The following NLRC5 variants were observed in gnomAD, a reference collection of about 807,000 sequenced individuals.
The protein encoded by NLRC5 is NLR family CARD domain containing 5.
A neutral mutation model predicts 206.9 loss-of-function variants in NLRC5; 114 were observed. The observed-to-expected ratio is 0.55, with a 90% CI of 0.47 to 0.64. The LOEUF (loss-of-function observed/expected upper bound fraction) is 0.64. Among genes scored for constraint, NLRC5 ranks in the 30% least tolerant of loss-of-function variants. The probability of loss-of-function intolerance (pLI) is 0.00; values close to 1 mark genes in which losing one functional copy is unlikely to be tolerated. For synonymous variants in NLRC5, 952 were observed against 962.8 expected (o/e 0.99, Z 0.21); for missense variants, 2,008 against 2,305.5 (o/e 0.87, Z 2.64).
intron 25 of NLRC5, 79 bp from the exon 26 acceptor site, chr16:57,054,953 C>T (rs45544836): frequency 0.015 from 23,563 of 1,594,696 alleles, 208 homozygotes; most frequent in Non-Finnish European, 0.018. Flanking sequence ...GCTGGGCTTC[C>T]GGAGGAGGGG....
chr16:57,043,625 C>T (rs1237067077), intron 20 of NLRC5, 21 bp downstream of exon 20: 3 of 1,591,612 alleles, frequency 1.9e-6, no homozygotes, highest in African/African-American at 2.7e-5. Flanking sequence ...CTCTCCGCCC[C>T]CAGCCCTGCC....
Position 57,061,704 on chromosome 16 carries a change from A to G in NLRC5, c.4154+3A>G. On this transcript the variant is annotated splice_donor_region_variant and intron_variant, in intron 32 of 48. Transcript: ENST00000688547. The stretch of plus-strand genomic sequence containing the variant: ...CCCGCAGGGCTGTTCAGCCTCAGGT[A>G]CCTCCTCCCCCGCTGCCTCCGGGAG... 1.2e-6 allele frequency: 2 copies of G among 1,601,114 alleles called. No individual in the cohort carries two copies. Among genetic ancestry groups the G allele is most frequent in the Non-Finnish European group, 1.7e-6 (2 of 1,176,006 alleles).
intron 23 of NLRC5, 123 bp from the exon 24 acceptor site, chr16:57,051,415 T>G: frequency 1.4e-6 from 1 of 732,848 alleles, no homozygotes. Flanking sequence ...GACCCAGTGC[T>G]GGGAGGGAAT....
intron 46 of NLRC5, among the ~76,000 whole-genome samples, chr16:57,080,256 C>G (rs2145150391): frequency 6.6e-6 from 1 of 152,212 alleles, no homozygotes; most frequent in Non-Finnish European, 1.5e-5. Context: ...CTCATTACAC[C>G]AAAGCGAAAG....
chr16:57,017,365 A>G (rs2060201356), intron 2 of NLRC5, among the ~76,000 whole-genome samples, 177 bp downstream of exon 2: 1 of 152,224 alleles, frequency 6.6e-6, no homozygotes, highest in South Asian at 2.1e-4. Context: ...AGACACAGAA[A>G]ATCAGGAAGA....
chr16:57,020,042 T>C (rs864749), intron 2 of NLRC5, among the ~76,000 whole-genome samples: 150,584 of 152,146 alleles, frequency 0.99, 74,536 homozygotes, highest in Middle Eastern at 1. Flanking sequence ...TCTCTGGAGC[T>C]GATCCCTGGG....
Position 57,041,516 on chromosome 16 carries a change from C to G in NLRC5, c.2971C>G (p.Leu991Val), listed in dbSNP as rs1597317690. 1 of 1,614,140 alleles carries G rather than the reference C, an allele frequency of 6.2e-7. No homozygotes were observed. The highest frequency in any genetic ancestry group is 8.5e-7 in the Non-Finnish European group (1 of 1,180,006). Residue 991 changes from leucine (L) to valine (V), a missense_variant, in exon 18 of 49, where the codon CTA becomes GTA. Coordinates refer to ENST00000688547, the MANE Select transcript of NLRC5 (RefSeq NM_001384950.1). ...LTHCGLQEKH[L>V]EQLCKALGGS... The stretch of plus-strand genomic sequence containing the variant: ...ACATTGTGGCCTCCAAGAAAAGCAC[C>G]TAGAGCAGCTCTGCAAGGCTCTGGG...
intron 1 of NLRC5, among the ~76,000 whole-genome samples, chr16:56,991,383 T>C (rs2056825834): frequency 4.5e-5 from 2 of 44,368 alleles, no homozygotes; most frequent in East Asian, 8.5e-4. Context: ...TTATTCCTTT[T>C]TTTTTTTTTT....
Position 57,022,320 on chromosome 16 carries a change from G to A in NLRC5, c.355+5G>A, listed in dbSNP as rs1480626578. On this transcript the variant is annotated splice_donor_5th_base_variant and intron_variant, in intron 4 of 48. Transcript: ENST00000688547. Reference sequence around the variant, plus strand: ...CTGAATCTCAGCTCCACCATGGTGAGGACTGGAGTTGGGGGGTGGGAAGGG... The same window carrying A: ...CTGAATCTCAGCTCCACCATGGTGAAGACTGGAGTTGGGGGGTGGGAAGGG... 1.2e-6 allele frequency: 2 copies of A among 1,609,574 alleles called. No individual in the cohort carries two copies. The highest frequency in any genetic ancestry group is 2.2e-5 in the East Asian group (1 of 44,706).
At chr16:57,022,855 G>A (rs2060827712) in intron 4 of NLRC5, among the ~76,000 whole-genome samples, 1 of 152,210 alleles carries the variant, frequency 6.6e-6, no homozygotes, top group Non-Finnish European at 1.5e-5. Flanking sequence ...TTTACTTATC[G>A]CTGTGCATGG....
Position 57,081,533 on chromosome 16 carries a change from G to A in NLRC5, c.5412G>A (p.Glu1804=), listed in dbSNP as rs2069147449. The part of the protein sequence containing the change: ...QMGRLKRVDL[E]KNQITALGAW... ...CTCACTGTCCACTGAGAAGCCTGGA[G>A]AAGAATCAGATCACAGCTTTGGGGG... The change falls in exon 48 of 49, where the codon GAG becomes GAA. Residue 1804 remains glutamate (E), a synonymous_variant. Transcript: ENST00000688547. 6.2e-7 allele frequency: 1 copy of A among 1,614,058 alleles called. No individual in the cohort carries two copies. The highest frequency in any genetic ancestry group is 8.5e-7 in the Non-Finnish European group (1 of 1,179,964).
At chr16:57,034,088 C>T (rs1029218687) in intron 12 of NLRC5, 80 bp from the exon 13 acceptor site, 121 of 1,205,860 alleles carry the variant, frequency 1.0e-4, no homozygotes, top group Non-Finnish European at 1.4e-4. Context: ...CCCCCTGACT[C>T]CCCCAGCATT....
At chr16:57,063,281 T>G (rs1433839720) in intron 32 of NLRC5, among the ~76,000 whole-genome samples, 3 of 151,064 alleles carry the variant, frequency 2.0e-5, no homozygotes, top group Non-Finnish European at 4.4e-5. Context: ...CCCAGCTAAT[T>G]TTTTTTTGTA....
chr16:57,043,673 G>T, intron 20 of NLRC5, 69 bp downstream of exon 20: 1 of 1,272,808 alleles, frequency 7.9e-7, no homozygotes, highest in Non-Finnish European at 1.2e-6. Context: ...CTCCCACGTG[G>T]GCCCCTTGTC....
intron 20 of NLRC5, 172 bp downstream of exon 20, chr16:57,043,776 T>C (rs1381820615): frequency 3.1e-6 from 2 of 637,712 alleles, no homozygotes; most frequent in African/African-American, 3.6e-5. Flanking sequence ...GAATGAATGA[T>C]CAAATGAATG....
intron 46 of NLRC5, 52 bp from the exon 47 acceptor site, chr16:57,081,046 C>T: frequency 6.7e-7 from 1 of 1,499,168 alleles, no homozygotes; most frequent in Non-Finnish European, 9.0e-7. Context: ...TTGTCTCCAC[C>T]CCTCGACCTC....
At chr16:57,082,172 G>A (rs928289195) in intron 48 of NLRC5, among the ~76,000 whole-genome samples, 1 of 152,244 alleles carries the variant, frequency 6.6e-6, no homozygotes. Flanking sequence ...TTGCACAAAT[G>A]TGTCATATGA....
At chr16:57,062,056 G>T in intron 32 of NLRC5, 2 of 1,324,016 alleles carry the variant, frequency 1.5e-6, no homozygotes, top group Admixed American at 5.1e-5. Flanking sequence ...AGAAGATACC[G>T]AAGTAGAAAG....
chr16:57,058,928 AG>A, intron 28 of NLRC5, 43 bp from the exon 29 acceptor site: 1 of 1,506,728 alleles, frequency 6.6e-7, no homozygotes, highest in Non-Finnish European at 9.2e-7. Flanking sequence ...GGCTCCAAGG[AG>A]GTCCTGCCCT....
Sources: gnomAD v4.1 joint callset for allele counts (sites outside exome capture counted in the v4.1 genomes callset) on GRCh38, gnomAD v4.1.1 for gene constraint, MANE v1.5 for transcripts, NCBI Gene and HGNC (gene_info 2026-07-23, HGNC 2026-07-21) for gene names.